Variants in RMND5A observed in about 807,000 individuals in gnomAD.
The protein encoded by RMND5A is required for meiotic nuclear division 5 homolog A, also known as E3 ubiquitin-protein transferase RMND5A.
Under a neutral mutation model 49.7 loss-of-function variants are expected in RMND5A, and 17 were observed. The observed-to-expected ratio is 0.34, with a 90% confidence interval of 0.23 to 0.51. The LOEUF (loss-of-function observed/expected upper bound fraction) is 0.51, where lower values mean the gene tolerates loss of function less well. Ranked by LOEUF, RMND5A falls within the 20% of genes least tolerant of loss-of-function variation. The pLI, the probability that RMND5A is intolerant of heterozygous loss-of-function variation, is 0.96. For synonymous variants in RMND5A, 156 were observed against 167.7 expected, an observed-to-expected ratio of 0.93 and a Z score of 0.54; for missense variants, 255 against 471.3, an observed-to-expected ratio of 0.54 and a Z score of 4.25.
chr2:86,768,613 C>T (rs1334286440), intron 6 of RMND5A, among the ~76,000 whole-genome samples: 1 of 152,152 alleles, frequency 6.6e-6, no homozygotes, highest in African/African-American at 2.4e-5. Context: ...GCTGTGGGCC[C>T]GTGGAGTTGT....
At chr2:86,725,391 T>A (rs1411505143) in intron 1 of RMND5A, among the ~76,000 whole-genome samples, 17 of 127,560 alleles carry the variant, frequency 1.3e-4, no homozygotes, top group South Asian at 5.1e-4. Context: ...AGAAAAAAAA[T>A]TTTTTTGTTG....
At chr2:86,755,969 A>G (rs1202769514) in intron 4 of RMND5A, among the ~76,000 whole-genome samples, 1 of 152,206 alleles carries the variant, frequency 6.6e-6, no homozygotes, top group Non-Finnish European at 1.5e-5. Flanking sequence ...CCTATGAGGT[A>G]AGTCATCTTA....
rs372111388 is a variant in RMND5A, at chr2:86,753,963, G to A, written c.521+405G>A. On this transcript the variant is annotated intron_variant, in intron 4 of 8. Transcript: ENST00000283632. ...AATTATTGGTTATTGGAACTAGGTG[G>A]TGTGGATGAAGAGAACAAATATTTT... is the stretch of plus-strand genomic sequence containing the variant. Among the ~76,000 whole-genome samples the A allele has an allele frequency of 2.4e-3, 362 of 152,308 alleles. 14 individuals are homozygous for A. The South Asian group carries it at 0.074, about 31-fold the overall frequency.
rs1453410292 is a variant in RMND5A, at chr2:86,775,409, A to G, written c.*1998A>G. 1 of 145,966 alleles carries G rather than the reference A, an allele frequency of 6.9e-6. No individual in the cohort carries two copies. The highest frequency in any genetic ancestry group is 2.6e-5 in the African/African-American group (1 of 39,068). The allele number at this position is 145,966 out of a possible 1,614,324, so 9.0% of individuals were successfully genotyped here. A position where few individuals can be genotyped will look rare whatever the true frequency, so the allele number is the denominator to read the frequency against. The stretch of plus-strand genomic sequence containing the variant: ...CTTATCTTTCCACCCAAACACCTAC[A>G]CAACGTTTAGGCTTCCTGTAAGGTT... On this transcript the variant is annotated 3_prime_UTR_variant, in exon 9 of 9. Transcript: ENST00000283632.
chr2:86,753,598 C>A, intron 4 of RMND5A, 40 bp downstream of exon 4: 1 of 1,063,050 alleles, frequency 9.4e-7, no homozygotes, highest in Non-Finnish European at 1.4e-6. Flanking sequence ...ACTTTGAGAA[C>A]TCTCTGTAAG....
chr2:86,749,555 T>C (rs1681597698), intron 2 of RMND5A, among the ~76,000 whole-genome samples: 2 of 152,082 alleles, frequency 1.3e-5, no homozygotes, highest in South Asian at 4.1e-4. Flanking sequence ...CACGCCCAGC[T>C]AATTTTGTAT....
rs780933820 is a variant in RMND5A, at chr2:86,746,818, G to A, written c.286-5078G>A. Among the ~76,000 whole-genome samples, 8 of 152,324 alleles carry A rather than the reference G, an allele frequency of 5.3e-5. No individual in the cohort carries two copies. In the South Asian group the frequency reaches 1.0e-3, roughly 20 times the overall value. On this transcript the variant is annotated intron_variant, in intron 2 of 8. Transcript: ENST00000283632. ...AAGGCCTGGCAGAGTGGTTTGGCAC[G>A]TTACTCCCTCATTTTTTAAATAAAG...
intron 3 of RMND5A, among the ~76,000 whole-genome samples, chr2:86,752,452 C>T (rs897399733): frequency 4.6e-5 from 7 of 152,188 alleles, no homozygotes; most frequent in Non-Finnish European, 8.8e-5. Context: ...TTTTTTACTT[C>T]GCATTAGCAG....
chr2:86,761,140 A>G (rs1400892850), intron 4 of RMND5A, among the ~76,000 whole-genome samples: 3 of 152,202 alleles, frequency 2.0e-5, no homozygotes, highest in Admixed American at 1.3e-4. Context: ...TGAATTGACT[A>G]AAGCTATCTG....
At chr2:86,764,955 G>T in intron 4 of RMND5A, 72 bp from the exon 5 acceptor site, 6 of 1,441,978 alleles carry the variant, frequency 4.2e-6, no homozygotes, top group Admixed American at 2.4e-5. Flanking sequence ...TTGTTTTACT[G>T]GGTTTCAAAT....
At chr2:86,747,499 G>T (rs1312398332) in intron 2 of RMND5A, among the ~76,000 whole-genome samples, 1 of 152,186 alleles carries the variant, frequency 6.6e-6, no homozygotes, top group Admixed American at 6.5e-5. Flanking sequence ...TTTGCTGTCT[G>T]CCTCTCACTG....
At chr2:86,767,132 C>T (rs971311903) in intron 6 of RMND5A, among the ~76,000 whole-genome samples, 4 of 152,112 alleles carry the variant, frequency 2.6e-5, no homozygotes, top group African/African-American at 9.7e-5. Context: ...GGCGCAATCT[C>T]AGCTCACTGC....
At position 86,725,683 on chromosome 2, in the gene RMND5A, G is replaced by A. The variant is rs1202546440; in HGVS notation, c.142+4874G>A. ...AGGGATTACAGGCGTGAGCCACTGC[G>A]CCCGACCTCCAGAAAAAATTTTAAA... On this transcript the variant is annotated intron_variant, in intron 1 of 8. Coordinates refer to ENST00000283632, the MANE Select transcript of RMND5A (RefSeq NM_022780.4). Among the ~76,000 whole-genome samples the A allele has an allele frequency of 1.1e-4, 9 of 78,906 alleles. 3 individuals carry two copies. Among genetic ancestry groups the A allele is most frequent in the African/African-American group, 3.9e-4 (8 of 20,560 alleles). The allele number at this position is 78,906 out of a possible 152,430, so 51.8% of individuals were successfully genotyped here.
intron 4 of RMND5A, among the ~76,000 whole-genome samples, chr2:86,756,652 AG>A (rs1030262719): frequency 2.6e-5 from 4 of 152,242 alleles, no homozygotes; most frequent in African/African-American, 9.6e-5. Context: ...AGCTAGGTAC[AG>A]AAAATTCCCT....
intron 2 of RMND5A, among the ~76,000 whole-genome samples, chr2:86,747,814 G>A (rs181838214): frequency 7.9e-5 from 12 of 152,166 alleles, no homozygotes; most frequent in Admixed American, 7.8e-4. Context: ...GGCATGATAC[G>A]GCCTGTTTAG....
At chr2:86,755,951 C>T (rs1462398977) in intron 4 of RMND5A, among the ~76,000 whole-genome samples, 2 of 152,224 alleles carry the variant, frequency 1.3e-5, no homozygotes, top group Admixed American at 6.5e-5. Context: ...ATTCAACCCT[C>T]ATATTAACCT....
rs1471043187 is a variant in RMND5A at position 86,770,043 on chromosome 2, C to T, written c.875C>T (p.Ala292Val). 5.6e-6 allele frequency: 9 copies of T among 1,613,612 alleles called. No homozygotes were observed. Among genetic ancestry groups the T allele is most frequent in the Non-Finnish European group, 7.6e-6 (9 of 1,179,732 alleles). ...CCCAGTTTCTCAGCAGGTTGTGTGG[C>T]GCTGCCAGCTTTAATTAACATCAAA... ...LSVSFSAGCVALPALINIKAV... is the reference protein window; with the variant it reads ...LSVSFSAGCVVLPALINIKAV... The change falls in exon 7 of 9, where the codon GCG becomes GTG. Residue 292 changes from alanine to valine, a missense_variant. Around this residue, in one of 3 missense-constraint regions of RMND5A, gnomAD observed 208 missense variants for 339.8 expected, o/e 0.61. Transcript: ENST00000283632.
chr2:86,721,610 T>TA (rs1226115448), intron 1 of RMND5A, among the ~76,000 whole-genome samples: 1 of 136,604 alleles, frequency 7.3e-6, no homozygotes, highest in East Asian at 2.4e-4. Context: ...ACCTAGATTG[T>TA]TTTTTTTTTT....
Position 86,771,458 on chromosome 2 carries a change from G to T in RMND5A, c.958-100G>T, listed in dbSNP as rs1672683855. 13 of 1,013,654 alleles carry T rather than the reference G, an allele frequency of 1.3e-5. No homozygotes were observed. The South Asian group carries it at 2.4e-4, about 18-fold the overall frequency. 62.8% of individuals were successfully genotyped at this position (1,013,654 alleles called of 1,614,324 possible). A position where few individuals can be genotyped will look rare whatever the true frequency, so the allele number is the denominator to read the frequency against. On this transcript the variant is annotated intron_variant, in intron 7 of 8. Transcript: ENST00000283632. ...ATAGAAAGTTACATTCAGGTGAATAGATCTGATCAATGTTCTTTGCTGCAC... is the reference window on the plus strand; with the variant it reads ...ATAGAAAGTTACATTCAGGTGAATATATCTGATCAATGTTCTTTGCTGCAC...
Sources: gnomAD v4.1 joint callset for allele counts (sites outside exome capture counted in the v4.1 genomes callset) on GRCh38, gnomAD v4.1.1 for gene constraint, gnomAD v4.1.1 regional missense constraint, MANE v1.5 for transcripts, NCBI Gene and HGNC (gene_info 2026-07-23, HGNC 2026-07-21) for gene names.